SKA3: variants seen among roughly 807,000 people sequenced by gnomAD.
SKA3 encodes the protein spindle and kinetochore-associated protein 3.
A neutral mutation model predicts 44.2 loss-of-function variants in SKA3; 39 were observed. The observed-to-expected ratio is 0.88, with a 90% CI of 0.68 to 1.15. The LOEUF (loss-of-function observed/expected upper bound fraction) is 1.15. SKA3 is among the 50% of genes most tolerant of loss of function. The pLI is 0.00. For synonymous variants in SKA3, 192 were observed against 172.0 expected, an observed-to-expected ratio of 1.12 and a Z score of -0.91; for missense variants, 511 against 485.8, an observed-to-expected ratio of 1.05 and a Z score of -0.49.
At chr13:21,162,367 CAT>C (rs1491370429) in intron 4 of SKA3, among the ~76,000 whole-genome samples, 1 of 121,220 alleles carries the variant, frequency 8.2e-6, no homozygotes, top group African/African-American at 3.2e-5. Flanking sequence ...CTTGTGTAAA[CAT>C]TTTTTTTTTT....
chr13:21,175,279 A>C (rs1031703969), intron 1 of SKA3, among the ~76,000 whole-genome samples: 3 of 149,824 alleles, frequency 2.0e-5, no homozygotes, highest in African/African-American at 7.5e-5. Context: ...TGCACGGCCA[A>C]ATCTTTTTTT....
At chr13:21,167,319 C>T (rs900363656) in intron 4 of SKA3, among the ~76,000 whole-genome samples, 2 of 22,524 alleles carry the variant, frequency 8.9e-5, no homozygotes, top group African/African-American at 1.6e-4. Flanking sequence ...CCCCTTTAAT[C>T]TTATTTCCTC....
chr13:21,167,906 T>C, intron 4 of SKA3, 82 bp downstream of exon 4: 1 of 1,218,080 alleles, frequency 8.2e-7, no homozygotes, highest in African/African-American at 1.6e-5. Flanking sequence ...CTGAAACATT[T>C]TATTTCTTCT....
chr13:21,157,417 C>A (rs1426515746), intron 7 of SKA3, among the ~76,000 whole-genome samples: 1 of 152,188 alleles, frequency 6.6e-6, no homozygotes, highest in Admixed American at 6.5e-5. Context: ...ATGTAACTGT[C>A]CTGAATAGTG....
chr13:21,174,144 C>G (rs537472131), intron 1 of SKA3, among the ~76,000 whole-genome samples: 33 of 152,334 alleles, frequency 2.2e-4, no homozygotes, highest in African/African-American at 7.7e-4. Context: ...GTTGGTAGGA[C>G]TGTAAACTAG....
chr13:21,160,754 G>A (rs1465138144), intron 5 of SKA3, among the ~76,000 whole-genome samples: 1 of 152,138 alleles, frequency 6.6e-6, no homozygotes, highest in Non-Finnish European at 1.5e-5. Flanking sequence ...ATATGCACAA[G>A]GGAAAATTTC....
In SKA3 at chr13:21,157,076, AC is replaced by A. The variant is rs543361646; in HGVS notation, c.1119+845del. Reference sequence around the variant, plus strand: ...AGCGAGACTCCGTCTCAAAAAAAAAACAAAAAAAAAGAATTCCACACGTGTA... The same window carrying A: ...AGCGAGACTCCGTCTCAAAAAAAAAAAAAAAAAAAGAATTCCACACGTGTA... On this transcript the variant is annotated intron_variant, in intron 7 of 8. Coordinates refer to ENST00000314759, the MANE Select transcript of SKA3 (RefSeq NM_145061.6). 1.3e-4 allele frequency among the ~76,000 whole-genome samples: 19 copies of A among 150,942 alleles called. 6 individuals carry two copies. The highest frequency in any genetic ancestry group is 3.9e-4 in the African/African-American group (16 of 41,140).
At position 21,168,387 on chromosome 13, in the gene SKA3, T is replaced by A; in HGVS notation, c.344A>T (p.Glu115Val). Residue 115 changes from glutamate to valine, a missense_variant, in exon 4 of 9, where the codon GAA becomes GTA. By Grantham distance (121) the Glu-to-Val change is moderately radical (BLOSUM62 -2). Coordinates refer to ENST00000314759, the MANE Select transcript of SKA3 (RefSeq NM_145061.6). ...CAACTCTGGGTCAGAGTTAATGGCT[T>A]CTTGCTCGTGTACTAGGAGGAAAAA... ...RVKKNSVHEQ[E>V]AINSDPELSN... The A allele has an allele frequency of 6.2e-7, 1 of 1,602,278 alleles. No individual in the cohort carries two copies.
chr13:21,174,369 GA>G (rs1373947794), intron 1 of SKA3, among the ~76,000 whole-genome samples: 26 of 151,926 alleles, frequency 1.7e-4, no homozygotes, highest in African/African-American at 4.8e-4. Flanking sequence ...ACTGGATTAA[GA>G]AAATGTGACA....
At chr13:21,174,983 T>C (rs1279364693) in intron 1 of SKA3, among the ~76,000 whole-genome samples, 1 of 152,190 alleles carries the variant, frequency 6.6e-6, no homozygotes, top group African/African-American at 2.4e-5. Flanking sequence ...CATCTGAAGA[T>C]AGTTTTTTCT....
chr13:21,176,520 AC>A lies in SKA3; in HGVS notation c.-44del. The A allele has an allele frequency of 7.3e-7, 1 of 1,378,256 alleles. No individual in the cohort carries two copies. The highest frequency in any genetic ancestry group is 9.6e-7 in the Non-Finnish European group (1 of 1,038,582). The allele number at this position is 1,378,256 out of a possible 1,614,324, so 85.4% of individuals were successfully genotyped here. ...AGGACTCCAGGCGTACGCAGACCCC[AC>A]CGCTCAGCTCACAGCCTCCCGCCAC... On this transcript the variant is annotated 5_prime_UTR_variant, in exon 1 of 9. Transcript: ENST00000314759.
intron 5 of SKA3, among the ~76,000 whole-genome samples, chr13:21,161,191 G>A (rs2137362943): frequency 6.6e-6 from 1 of 152,260 alleles, no homozygotes; most frequent in South Asian, 2.1e-4. Context: ...GATTGCTTGA[G>A]CCTGGGAAGT....
At chr13:21,171,697 C>T (rs1051233548) in intron 3 of SKA3, among the ~76,000 whole-genome samples, 8 of 152,094 alleles carry the variant, frequency 5.3e-5, no homozygotes, top group Non-Finnish European at 1.2e-4. Flanking sequence ...CTTATTTAAT[C>T]CTTATACAAT....
At chr13:21,167,273 C>T (rs1448726407) in intron 4 of SKA3, among the ~76,000 whole-genome samples, 1 of 152,144 alleles carries the variant, frequency 6.6e-6, no homozygotes, top group African/African-American at 2.4e-5. Flanking sequence ...TCCCATGTCT[C>T]CATAGCAAAT....
chr13:21,174,063 G>A (rs1871256124), intron 1 of SKA3, among the ~76,000 whole-genome samples: 1 of 152,132 alleles, frequency 6.6e-6, no homozygotes, highest in East Asian at 1.9e-4. Flanking sequence ...CAGTTAGAAT[G>A]GCAATCATTA....
Position 21,172,600 on chromosome 13 carries a change from C to T in SKA3, c.165+20G>A. ...TACTCGCCACAGAAAAATAATAAATCAATATTGTAGGAGTGATACCTTTAG... is the reference window on the plus strand; with the variant it reads ...TACTCGCCACAGAAAAATAATAAATTAATATTGTAGGAGTGATACCTTTAG... On this transcript the variant is annotated intron_variant, in intron 2 of 8. Transcript: ENST00000314759. 1 of 1,442,626 alleles carries T rather than the reference C, an allele frequency of 6.9e-7. No individual in the cohort carries two copies. Among genetic ancestry groups the T allele is most frequent in the Non-Finnish European group, 9.1e-7 (1 of 1,093,740 alleles). 89.4% of individuals were successfully genotyped at this position (1,442,626 alleles called of 1,614,324 possible). A position where few individuals can be genotyped will look rare whatever the true frequency, so the allele number is the denominator to read the frequency against.
chr13:21,167,966 G>A, intron 4 of SKA3, 22 bp downstream of exon 4: 1 of 1,100,288 alleles, frequency 9.1e-7, no homozygotes, highest in Non-Finnish European at 1.2e-6. Flanking sequence ...GATAAAATAT[G>A]CCTTTTAACA....
chr13:21,167,358 G>A (rs1348552299), intron 4 of SKA3, among the ~76,000 whole-genome samples: 1 of 151,534 alleles, frequency 6.6e-6, no homozygotes, highest in Non-Finnish European at 1.5e-5. Flanking sequence ...CTTTTTTTCA[G>A]GCCCTTATCA....
chr13:21,155,302 G>A (rs550950135), intron 8 of SKA3, 152 bp from the exon 9 acceptor site: 1 of 611,224 alleles, frequency 1.6e-6, no homozygotes, highest in East Asian at 2.9e-5. Context: ...TCGGGAATCT[G>A]AGATTCAGGG....
Sources: gnomAD v4.1 joint callset for allele counts (sites outside exome capture counted in the v4.1 genomes callset) on GRCh38, gnomAD v4.1.1 for gene constraint, MANE v1.5 for transcripts, NCBI Gene and HGNC (gene_info 2026-07-23, HGNC 2026-07-21) for gene names.